LDLRAD4: variants seen among roughly 807,000 people sequenced by gnomAD.
LDLRAD4 encodes low-density lipoprotein receptor class A domain-containing protein 4.
Under a neutral mutation model 17.0 loss-of-function variants are expected in LDLRAD4, and 5 were observed. That is an observed-to-expected ratio of 0.29 (90% CI 0.15 to 0.62). LDLRAD4 has a LOEUF of 0.62. LDLRAD4 is among the 20% of genes least tolerant of loss of function. The pLI, the probability that LDLRAD4 is intolerant of heterozygous loss-of-function variation, is 0.84. For missense variants in LDLRAD4, 340 were observed against 424.7 expected, an observed-to-expected ratio of 0.80 and a Z score of 1.75; for synonymous variants, 168 against 171.8, an observed-to-expected ratio of 0.98 and a Z score of 0.17.
At chr18:13,573,777 G>A (rs1169601607) in intron 3 of LDLRAD4, among the ~76,000 whole-genome samples, 4 of 152,100 alleles carry the variant, frequency 2.6e-5, no homozygotes, top group Admixed American at 6.5e-5. Flanking sequence ...GAACAATCTG[G>A]GTAAAGAGAC....
At chr18:13,594,362 T>C (rs2095065298) in intron 3 of LDLRAD4, among the ~76,000 whole-genome samples, 1 of 152,140 alleles carries the variant, frequency 6.6e-6, no homozygotes, top group Admixed American at 6.5e-5. Context: ...ATACTCATAA[T>C]AAGCACTGGT....
chr18:13,338,498 G>A (rs886251925), intron 1 of LDLRAD4, among the ~76,000 whole-genome samples: 9 of 152,132 alleles, frequency 5.9e-5, no homozygotes, highest in African/African-American at 1.7e-4. Context: ...AGCGTTGGTG[G>A]ATTTGTTTGT....
intron 3 of LDLRAD4, chr18:13,519,790 A>G (rs966801305): frequency 2.7e-4 from 41 of 152,104 alleles, no homozygotes; most frequent in African/African-American, 9.9e-4. Flanking sequence ...GTGGAAATGA[A>G]ATTTTCCACC....
Position 13,221,819 on chromosome 18 carries a change from G to C in LDLRAD4, c.-467+2831G>C, listed in dbSNP as rs189680012. 1.9e-3 allele frequency among the ~76,000 whole-genome samples: 290 copies of C among 152,278 alleles called. 1 individual carries two copies. The highest frequency in any genetic ancestry group is 2.5e-3 in the Non-Finnish European group (170 of 68,026). The stretch of plus-strand genomic sequence containing the variant: ...GAAGACTTTTCTTTCCACCAAGCTT[G>C]TTTTCCAGATAGGTCTTGGAGATTA... On this transcript the variant is annotated intron_variant, in intron 1 of 5. Transcript: ENST00000399848.
At chr18:13,438,190 C>T (rs767902053) in intron 2 of LDLRAD4, 54 bp from the exon 4 acceptor site, 2 of 1,566,130 alleles carry the variant, frequency 1.3e-6, no homozygotes, top group Admixed American at 1.7e-5. Context: ...AGTCACAGCT[C>T]AAGAGCACCA....
intron 1 of LDLRAD4, among the ~76,000 whole-genome samples, chr18:13,293,971 C>T (rs2046118247): frequency 1.3e-5 from 2 of 152,134 alleles, no homozygotes; most frequent in Admixed American, 1.3e-4. Context: ...ACCAGGTCAG[C>T]AGTCACTCAG....
intron 1 of LDLRAD4, among the ~76,000 whole-genome samples, chr18:13,321,861 C>CAAAAAAAAAAAAAAAAAAAAAAAAA (rs57033432): frequency 2.7e-4 from 17 of 62,142 alleles, no homozygotes; most frequent in Admixed American, 4.9e-4. Flanking sequence ...GACTCCGTCT[C>CAAAAAAAAAAAAAAAAAAAAAAAAA]AAAAAAAAAA....
intron 3 of LDLRAD4, among the ~76,000 whole-genome samples, chr18:13,588,091 A>G (rs2094958500): frequency 6.6e-6 from 1 of 152,224 alleles, no homozygotes; most frequent in Non-Finnish European, 1.5e-5. Flanking sequence ...CGGGAAAAAA[A>G]AACCATTCTC....
At chr18:13,364,592 T>G (rs537690550) in intron 1 of LDLRAD4, among the ~76,000 whole-genome samples, 1 of 152,308 alleles carries the variant, frequency 6.6e-6, no homozygotes, top group South Asian at 2.1e-4. Flanking sequence ...TCCTCCCACT[T>G]CAGCCTCTTA....
At chr18:13,239,926 T>G (rs1395953158) in intron 1 of LDLRAD4, 1 of 152,304 alleles carries the variant, frequency 6.6e-6, no homozygotes, top group African/African-American at 2.4e-5. Context: ...TGCTGTTTGT[T>G]TGGTTTGCCA....
rs920089673 is a variant in LDLRAD4 at position 13,591,550 on chromosome 18, G to A, written c.182-29567G>A. Among the ~76,000 whole-genome samples the A allele has an allele frequency of 3.3e-5, 5 of 152,134 alleles. No homozygotes were observed. In the South Asian group the frequency reaches 6.2e-4, roughly 19 times the overall value. On this transcript the variant is annotated intron_variant, in intron 3 of 5. Transcript: ENST00000359446. ...ATCAGTAGTAACCCAGTCTAAAATA[G>A]TGATTCTTAACCTTGCCTACTAAAA... is the stretch of plus-strand genomic sequence containing the variant.
In LDLRAD4 at chr18:13,494,924, G is replaced by A. The variant is rs115305161; in HGVS notation, c.181+56540G>A. 9.0e-3 allele frequency among the ~76,000 whole-genome samples: 1,356 copies of A among 151,442 alleles called. 21 individuals carry two copies. Among genetic ancestry groups the A allele is most frequent in the African/African-American group, 0.032 (1,303 of 41,254 alleles). ...GTTGTTACACTAGTGAGAGGGAACC[G>A]AACGGGCTCATATTCAGCTTAAGGC... On this transcript the variant is annotated intron_variant, in intron 3 of 5. Transcript: ENST00000359446.
At chr18:13,368,203 C>T (rs531079031) in intron 1 of LDLRAD4, among the ~76,000 whole-genome samples, 153 of 152,102 alleles carry the variant, frequency 1.0e-3, no homozygotes, top group South Asian at 6.5e-3. Context: ...CATTGGCGCA[C>T]GGTTGGCGTG....
chr18:13,493,923 C>T (rs867581143), intron 3 of LDLRAD4, among the ~76,000 whole-genome samples: 5 of 152,234 alleles, frequency 3.3e-5, no homozygotes, highest in East Asian at 1.9e-4. Context: ...AGGGGGTCCC[C>T]GCTTCTGAGA....
intron 3 of LDLRAD4, among the ~76,000 whole-genome samples, chr18:13,594,947 C>G (rs2095076962): frequency 6.6e-6 from 1 of 151,976 alleles, no homozygotes; most frequent in Admixed American, 6.6e-5. Context: ...TTTGTTATTT[C>G]TTCTTGATTT....
chr18:13,252,581 A>G (rs1465670040), intron 1 of LDLRAD4, among the ~76,000 whole-genome samples: 2 of 152,150 alleles, frequency 1.3e-5, no homozygotes, highest in Non-Finnish European at 2.9e-5. Context: ...TGTTATTACA[A>G]TTACAGACTG....
At chr18:13,376,511 A>G (rs192145577) in intron 1 of LDLRAD4, among the ~76,000 whole-genome samples, 181 of 152,280 alleles carry the variant, frequency 1.2e-3, no homozygotes, top group Non-Finnish European at 2.3e-3. Flanking sequence ...CCTGGATCTG[A>G]CGGTGGACAT....
rs191963005 is a variant in LDLRAD4 at position 13,535,787 on chromosome 18, G to A, written c.182-85330G>A. ...TTCTTCTATAAGTTTAACAGTTTCA[G>A]CTTTTATGTTTAGTTCTATGATCCT... On this transcript the variant is annotated intron_variant, in intron 3 of 5. Transcript: ENST00000359446. 1.2e-4 allele frequency among the ~76,000 whole-genome samples: 19 copies of A among 152,198 alleles called. No homozygotes were observed. The East Asian group carries it at 3.7e-3, about 29-fold the overall frequency.
In LDLRAD4 at chr18:13,610,289, TTTTTTTTTTTTTTTTTG is replaced by T. The variant is rs1321263925; in HGVS notation, c.182-10827_182-10811del. Among the ~76,000 whole-genome samples the T allele has an allele frequency of 2.8e-3, 178 of 64,624 alleles. 5 individuals carry two copies. Among genetic ancestry groups the T allele is most frequent in the African/African-American group, 2.8e-3 (46 of 16,486 alleles). 42.4% of individuals were successfully genotyped at this position (64,624 alleles called of 152,430 possible). A position where few individuals can be genotyped will look rare whatever the true frequency, so the allele number is the denominator to read the frequency against. On this transcript the variant is annotated intron_variant, in intron 3 of 5. Transcript: ENST00000359446. Reference sequence around the variant, plus strand: ...AATTTTTTTTTTTTTTTTTTTTTTTTTTTTTTTTTTTTTTTTGAGACGGAGTCTCACTCTGTCGCCCA... The same window carrying T: ...AATTTTTTTTTTTTTTTTTTTTTTTTAGACGGAGTCTCACTCTGTCGCCCA...
Sources: gnomAD v4.1 joint callset for allele counts (sites outside exome capture counted in the v4.1 genomes callset) on GRCh38, gnomAD v4.1.1 for gene constraint, MANE v1.5 for transcripts, NCBI Gene and HGNC (gene_info 2026-07-23, HGNC 2026-07-21) for gene names.